PACRG: variants seen among roughly 807,000 people sequenced by gnomAD.
PACRG encodes parkin coregulated.
In PACRG, 29 loss-of-function variants were observed where a neutral mutation model predicts 29.7. That is an observed-to-expected ratio of 0.98 (90% CI 0.73 to 1.33). PACRG has a LOEUF of 1.33. PACRG is among the 40% of genes most tolerant of loss of function. The pLI is 0.00. For missense variants in PACRG, 279 were observed against 316.2 expected, an observed-to-expected ratio of 0.88 and a Z score of 0.89; for synonymous variants, 116 against 118.7, an observed-to-expected ratio of 0.98 and a Z score of 0.15.
intron 4 of PACRG, among the ~76,000 whole-genome samples, chr6:163,295,673 T>C (rs1784757608): frequency 6.6e-6 from 1 of 152,218 alleles, no homozygotes; most frequent in South Asian, 2.1e-4. Flanking sequence ...GATACTGTTA[T>C]TATAATAATG....
chr6:163,008,520 T>C (rs1317166177), intron 2 of PACRG, among the ~76,000 whole-genome samples: 1 of 151,640 alleles, frequency 6.6e-6, no homozygotes, highest in Non-Finnish European at 1.5e-5. Flanking sequence ...CTTTCTCCAA[T>C]TTGAGAGGCC....
intron 4 of PACRG, among the ~76,000 whole-genome samples, chr6:163,248,049 C>T (rs772105655): frequency 1.6e-4 from 25 of 152,172 alleles, no homozygotes; most frequent in Middle Eastern, 3.2e-3. Context: ...TCCTATGCTG[C>T]AAAGCCATCT....
At chr6:163,074,436 G>A (rs546765260) in intron 3 of PACRG, among the ~76,000 whole-genome samples, 2 of 152,240 alleles carry the variant, frequency 1.3e-5, no homozygotes, top group African/African-American at 2.4e-5. Context: ...GGGAGTAAGC[G>A]GGGATGGTTA....
chr6:163,043,191 C>T (rs1808923883), intron 2 of PACRG: 1 of 152,078 alleles, frequency 6.6e-6, no homozygotes, highest in Admixed American at 6.5e-5. Context: ...GTGACAGGAG[C>T]ACCAAGAGAG....
chr6:163,009,589 T>C (rs1370461894), intron 2 of PACRG, among the ~76,000 whole-genome samples: 3 of 152,226 alleles, frequency 2.0e-5, no homozygotes, highest in Non-Finnish European at 2.9e-5. Flanking sequence ...CTTTCCAGGA[T>C]TTTTAATCTA....
chr6:163,134,658 G>A (rs1477130668), intron 4 of PACRG, among the ~76,000 whole-genome samples: 3 of 152,100 alleles, frequency 2.0e-5, no homozygotes, highest in Non-Finnish European at 2.9e-5. Context: ...CCAAATTTCA[G>A]AAAAATGTAA....
intron 1 of PACRG, among the ~76,000 whole-genome samples, chr6:162,744,909 T>A (rs529319290): frequency 6.6e-6 from 1 of 152,266 alleles, no homozygotes; most frequent in Admixed American, 6.5e-5. Flanking sequence ...CGTCTTTTTT[T>A]AACCATATCA....
chr6:163,289,344 CCTAA>C (rs1308794682), intron 4 of PACRG, among the ~76,000 whole-genome samples: 4 of 152,128 alleles, frequency 2.6e-5, no homozygotes, highest in Admixed American at 2.6e-4. Context: ...GGTTCCTTTT[CCTAA>C]CTATTTCCAA....
At chr6:162,727,767 C>T, upstream of PACRG, 2 of 1,260,312 alleles carry the variant, frequency 1.6e-6, no homozygotes, top group Non-Finnish European at 1.1e-6. Context: ...GTTAAATCCT[C>T]CAGGCCTCCC....
intron 4 of PACRG, chr6:163,165,327 G>C (rs1044093603): frequency 2.0e-5 from 3 of 152,696 alleles, no homozygotes; most frequent in African/African-American, 7.2e-5. Flanking sequence ...AGCCAGCGTG[G>C]GGCAGGGGCT....
At chr6:162,727,881 C>T (rs1584141966), upstream of PACRG, 3 of 596,876 alleles carry the variant, frequency 5.0e-6, no homozygotes, top group East Asian at 2.9e-5. Context: ...CGCCTCCTGC[C>T]CCCAGCCCCC....
intron 4 of PACRG, among the ~76,000 whole-genome samples, chr6:163,176,986 G>A (rs76929880): frequency 7.2e-5 from 11 of 152,298 alleles, no homozygotes; most frequent in African/African-American, 2.4e-4. Context: ...GGGAGTGACA[G>A]CCCTCCATAA....
At chr6:163,188,391 CTATT>C (rs1780052313) in intron 4 of PACRG, among the ~76,000 whole-genome samples, 1 of 152,320 alleles carries the variant, frequency 6.6e-6, no homozygotes. Context: ...TAAGGAGTGT[CTATT>C]TAAGCCCCCG....
intron 4 of PACRG, among the ~76,000 whole-genome samples, chr6:163,194,704 G>C (rs1239932325): frequency 6.6e-6 from 1 of 152,236 alleles, no homozygotes; most frequent in Non-Finnish European, 1.5e-5. Context: ...TAGCCTATTT[G>C]TGAAGGCATC....
At chr6:162,970,299 A>G (rs1584904548) in intron 2 of PACRG, among the ~76,000 whole-genome samples, 2 of 152,286 alleles carry the variant, frequency 1.3e-5, no homozygotes, top group Admixed American at 1.3e-4. Context: ...TGAAGGAAAG[A>G]ATGAGCACAG....
chr6:163,280,714 C>T (rs1344433441), intron 4 of PACRG, among the ~76,000 whole-genome samples: 1 of 152,148 alleles, frequency 6.6e-6, no homozygotes, highest in African/African-American at 2.4e-5. Context: ...ACTCACATGG[C>T]CTTTCCTGGA....
intron 4 of PACRG, among the ~76,000 whole-genome samples, chr6:163,195,293 C>T (rs1408773861): frequency 2.0e-5 from 3 of 152,166 alleles, no homozygotes; most frequent in Non-Finnish European, 4.4e-5. Flanking sequence ...TTTATAATTC[C>T]TTAAATCTCC....
intron 2 of PACRG, among the ~76,000 whole-genome samples, chr6:162,864,329 G>A (rs1448594124): frequency 6.6e-6 from 1 of 152,158 alleles, no homozygotes. Context: ...TAGCCACAGA[G>A]TAGAGTTGGA....
intron 4 of PACRG, among the ~76,000 whole-genome samples, chr6:163,277,403 T>C (rs1406533506): frequency 1.3e-5 from 2 of 151,440 alleles, no homozygotes; most frequent in East Asian, 3.9e-4. Flanking sequence ...TAGTCTCCAA[T>C]TCCATCCAAG....
Sources: allele counts gnomAD v4.1 joint callset (sites outside exome capture counted in the v4.1 genomes callset), GRCh38; gene constraint gnomAD v4.1.1; transcripts MANE v1.5; gene names NCBI Gene and HGNC (gene_info 2026-07-23, HGNC 2026-07-21).